ZNF385B: variants seen among roughly 807,000 people sequenced by gnomAD.
ZNF385B encodes the protein zinc finger protein 385B.
ZNF385B carries 23 observed loss-of-function variants against 39.2 expected under a neutral mutation model. That is an observed-to-expected ratio of 0.59 (90% CI 0.42 to 0.83). ZNF385B has a LOEUF of 0.83. Among genes scored for constraint, ZNF385B ranks in the 40% least tolerant of loss-of-function variants. The pLI, the probability that ZNF385B is intolerant of heterozygous loss-of-function variation, is 0.00. For missense variants in ZNF385B, 552 were observed against 598.9 expected (o/e 0.92, Z 0.82); for synonymous variants, 205 against 222.6 (o/e 0.92, Z 0.70).
At chr2:179,475,251 ATTTTTT>A (rs767500606) in intron 6 of ZNF385B, among the ~76,000 whole-genome samples, 1 of 136,966 alleles carries the variant, frequency 7.3e-6, no homozygotes, top group Non-Finnish European at 1.6e-5. Flanking sequence ...TTATCGCACA[ATTTTTT>A]TTTTTTTTTT....
At chr2:179,550,406 T>C (rs879469044) in intron 3 of ZNF385B, among the ~76,000 whole-genome samples, 17 of 149,240 alleles carry the variant, frequency 1.1e-4, no homozygotes, top group Non-Finnish European at 5.9e-5. Flanking sequence ...TCAACAAAGG[T>C]TGGAATGCGC....
At chr2:179,829,855 GA>G (rs1289586596) in intron 1 of ZNF385B, among the ~76,000 whole-genome samples, 11 of 152,162 alleles carry the variant, frequency 7.2e-5, no homozygotes, top group African/African-American at 2.7e-4. Context: ...CACAATCCAT[GA>G]AAGAAAAATA....
At chr2:179,781,728 G>A (rs1302701995) in intron 1 of ZNF385B, among the ~76,000 whole-genome samples, 1 of 152,092 alleles carries the variant, frequency 6.6e-6, no homozygotes, top group Non-Finnish European at 1.5e-5. Flanking sequence ...GCCTAGAAGA[G>A]ATGAATAAAT....
At chr2:179,544,721 G>T (rs995404781) in intron 4 of ZNF385B, 106 bp downstream of exon 4, 2 of 1,396,466 alleles carry the variant, frequency 1.4e-6, no homozygotes, top group Non-Finnish European at 1.0e-6. Flanking sequence ...CCAATATATG[G>T]TCTAAAATTA....
chr2:179,626,913 C>A (rs1690712354), intron 3 of ZNF385B, among the ~76,000 whole-genome samples: 1 of 152,104 alleles, frequency 6.6e-6, no homozygotes, highest in African/African-American at 2.4e-5. Flanking sequence ...AACCCTTAGG[C>A]TTATTCATGC....
chr2:179,538,154 C>G (rs1438215271), intron 4 of ZNF385B, among the ~76,000 whole-genome samples: 2 of 151,980 alleles, frequency 1.3e-5, no homozygotes. Flanking sequence ...GTTGGACATA[C>G]TAGTATCCTA....
intron 1 of ZNF385B, among the ~76,000 whole-genome samples, chr2:179,845,191 G>A (rs576093615): frequency 6.6e-6 from 1 of 152,242 alleles, no homozygotes; most frequent in Non-Finnish European, 1.5e-5. Context: ...TATATATGCT[G>A]ACAGCAAATT....
At chr2:179,641,444 A>T (rs1471902974) in intron 3 of ZNF385B, among the ~76,000 whole-genome samples, 2 of 152,086 alleles carry the variant, frequency 1.3e-5, no homozygotes, top group Non-Finnish European at 2.9e-5. Context: ...CATTTCCCAG[A>T]CTCAGATAAT....
At chr2:179,798,083 T>C (rs1705789985) in intron 1 of ZNF385B, among the ~76,000 whole-genome samples, 1 of 152,134 alleles carries the variant, frequency 6.6e-6, no homozygotes, top group African/African-American at 2.4e-5. Flanking sequence ...AGGGATCTTT[T>C]TTTAAGTATC....
intron 3 of ZNF385B, among the ~76,000 whole-genome samples, chr2:179,560,024 T>C (rs1461684692): frequency 6.6e-6 from 1 of 152,072 alleles, no homozygotes; most frequent in Non-Finnish European, 1.5e-5. Context: ...TCATGCAGTA[T>C]TTTTTTTCTG....
rs377458604 is a variant in ZNF385B, at chr2:179,454,311, G to A, written c.716-7541C>T. On this transcript the variant is annotated intron_variant, in intron 6 of 9. Coordinates refer to ENST00000410066, the MANE Select transcript of ZNF385B (RefSeq NM_152520.6). ...GTGGTAGCTGTCATGATGTTGTAGT[G>A]CAACACATTACTCATGTGCTTATGG... Among the ~76,000 whole-genome samples the A allele has an allele frequency of 3.8e-4, 58 of 152,226 alleles. No homozygotes were observed. In the East Asian group the frequency reaches 5.8e-3, roughly 15 times the overall value.
chr2:179,733,262 T>C (rs933922785), intron 3 of ZNF385B, among the ~76,000 whole-genome samples: 6 of 152,188 alleles, frequency 3.9e-5, no homozygotes, highest in Admixed American at 3.9e-4. Flanking sequence ...ACAGGCTGGA[T>C]CATCATCCAG....
chr2:179,761,716 C>T (rs1213680891), intron 3 of ZNF385B, among the ~76,000 whole-genome samples: 2 of 148,130 alleles, frequency 1.4e-5, no homozygotes, highest in Admixed American at 1.3e-4. Context: ...GTAGCTGGGA[C>T]TACAGGTGTG....
chr2:179,761,092 A>ATC (rs149505417), intron 3 of ZNF385B, among the ~76,000 whole-genome samples: 312 of 150,338 alleles, frequency 2.1e-3, no homozygotes, highest in Middle Eastern at 0.014. Context: ...AGTCTTTTTC[A>ATC]TCTCTCTCTC....
chr2:179,541,771 AATG>A (rs1469749107), intron 4 of ZNF385B, among the ~76,000 whole-genome samples: 1 of 152,170 alleles, frequency 6.6e-6, no homozygotes, highest in Non-Finnish European at 1.5e-5. Context: ...CCTTCTAGTT[AATG>A]ATTCTGCTGA....
At chr2:179,535,392 C>A (rs1398711022) in intron 4 of ZNF385B, among the ~76,000 whole-genome samples, 2 of 152,170 alleles carry the variant, frequency 1.3e-5, no homozygotes, top group Non-Finnish European at 2.9e-5. Flanking sequence ...GAGAAGTACA[C>A]ATATTTAAGT....
chr2:179,465,559 A>G (rs2051903622), intron 6 of ZNF385B, among the ~76,000 whole-genome samples: 2 of 152,232 alleles, frequency 1.3e-5, no homozygotes, highest in African/African-American at 4.8e-5. Context: ...TAGAACTGTC[A>G]GCAATGATTC....
At chr2:179,630,015 G>T (rs1464068720) in intron 3 of ZNF385B, among the ~76,000 whole-genome samples, 1 of 152,252 alleles carries the variant, frequency 6.6e-6, no homozygotes, top group Non-Finnish European at 1.5e-5. Flanking sequence ...TGGCCAAGAA[G>T]CTCAAACTGG....
intron 3 of ZNF385B, among the ~76,000 whole-genome samples, chr2:179,606,097 T>C (rs1166812260): frequency 2.0e-5 from 3 of 152,054 alleles, no homozygotes; most frequent in African/African-American, 7.2e-5. Context: ...GTCAAAAAAT[T>C]TGTAGGAATA....
Sources: allele counts gnomAD v4.1 joint callset (sites outside exome capture counted in the v4.1 genomes callset), GRCh38; gene constraint gnomAD v4.1.1; transcripts MANE v1.5; gene names NCBI Gene and HGNC (gene_info 2026-07-23, HGNC 2026-07-21).